Variants in MGAM2 observed in about 807,000 individuals in gnomAD.
The protein encoded by MGAM2 is maltase-glucoamylase 2 (putative), also known as probable maltase-glucoamylase 2.
In MGAM2, 98 loss-of-function variants were observed where a neutral mutation model predicts 96.1. The ratio of observed to expected loss-of-function variants is 1.02; its 90% CI spans 0.87 to 1.21. The LOEUF is 1.21. Ranked by LOEUF, MGAM2 falls within the 50% of genes most tolerant of loss-of-function variation. The pLI, the probability that MGAM2 is intolerant of heterozygous loss-of-function variation, is 0.00. For synonymous variants in MGAM2, 749 were observed against 414.8 expected (o/e 1.81, Z -9.79); for missense variants, 2,055 against 1,182.4 (o/e 1.74, Z -10.82).
intron 2 of MGAM2, among the ~76,000 whole-genome samples, chr7:142,119,679 A>T (rs1256109079): frequency 2.6e-5 from 4 of 152,246 alleles, no homozygotes; most frequent in South Asian, 4.1e-4. Flanking sequence ...ATAGATAAAC[A>T]AAATGTGGTA....
chr7:142,141,009 T>C lies in MGAM2; in HGVS notation c.1219-12T>C. 2.9e-6 allele frequency: 2 copies of C among 694,386 alleles called. No homozygotes were observed. Among genetic ancestry groups the C allele is most frequent in the South Asian group, 1.5e-5 (1 of 64,632 alleles). 43.0% of individuals were successfully genotyped at this position (694,386 alleles called of 1,614,324 possible). Reference sequence around the variant, plus strand: ...TTATGAAAATAATATTTATATCGTATTTCTTTATTAGAATCCTGGCATCTC... The same window carrying C: ...TTATGAAAATAATATTTATATCGTACTTCTTTATTAGAATCCTGGCATCTC... On this transcript the variant is annotated splice_polypyrimidine_tract_variant and intron_variant, in intron 11 of 47. Coordinates refer to ENST00000477922, the MANE Select transcript of MGAM2 (RefSeq NM_001293626.2).
intron 5 of MGAM2, 62 bp from the exon 6 acceptor site, chr7:142,131,869 T>C (rs1794899020): frequency 3.1e-6 from 2 of 646,410 alleles, no homozygotes; most frequent in Non-Finnish European, 2.8e-6. Context: ...ACATCTTTTG[T>C]AGCTCTGTCT....
chr7:142,167,359 C>T lies in MGAM2; in HGVS notation c.2900C>T (p.Thr967Ile). The T allele has an allele frequency of 1.4e-6, 1 of 702,878 alleles. No individual in the cohort carries two copies. The highest frequency in any genetic ancestry group is 2.6e-6 in the Non-Finnish European group (1 of 384,940). 43.5% of individuals were successfully genotyped at this position (702,878 alleles called of 1,614,324 possible). A position where few individuals can be genotyped will look rare whatever the true frequency, so the allele number is the denominator to read the frequency against. ...SDIQYLNTSI[T>I]ADLSLPMAPE... is the part of the protein sequence containing the mutation. Reference sequence around the variant, plus strand: ...ATTCAGTACCTGAACACCAGCATCACTGCAGACCTTTCCCTCCCGATGGCC... The same window carrying T: ...ATTCAGTACCTGAACACCAGCATCATTGCAGACCTTTCCCTCCCGATGGCC... The change falls in exon 26 of 48, where the codon ACT becomes ATT. Residue 967 changes from threonine (T) to isoleucine (I), a missense_variant. Transcript: ENST00000477922.
intron 1 of MGAM2, among the ~76,000 whole-genome samples, chr7:142,116,326 A>G (rs148597283): frequency 2.0e-3 from 301 of 152,314 alleles, no homozygotes; most frequent in African/African-American, 6.8e-3. Flanking sequence ...CCTCCCAGCA[A>G]GACTTATGCT....
intron 45 of MGAM2, among the ~76,000 whole-genome samples, chr7:142,203,401 C>A (rs2129102597): frequency 6.6e-6 from 1 of 152,180 alleles, no homozygotes; most frequent in South Asian, 2.1e-4. Flanking sequence ...AAAAACATTC[C>A]ATGCTCATGG....
At chr7:142,208,451 G>A (rs1442155451) in intron 45 of MGAM2, 122 bp from the exon 46 acceptor site, 1 of 664,198 alleles carries the variant, frequency 1.5e-6, no homozygotes, top group South Asian at 1.7e-5. Flanking sequence ...GCTCCTCAGA[G>A]AGGTGACAAT....
chr7:142,123,068 C>A (rs560101938), intron 3 of MGAM2, among the ~76,000 whole-genome samples: 1 of 152,206 alleles, frequency 6.6e-6, no homozygotes, highest in South Asian at 2.1e-4. Flanking sequence ...GTAATCCACC[C>A]CCTTCAGCCT....
chr7:142,193,541 C>T (rs911158102), intron 37 of MGAM2, among the ~76,000 whole-genome samples: 2 of 152,156 alleles, frequency 1.3e-5, no homozygotes, highest in East Asian at 3.9e-4. Context: ...TCCCTGCTGA[C>T]CTTCATGCTA....
intron 40 of MGAM2, among the ~76,000 whole-genome samples, chr7:142,197,019 T>A (rs1797063957): frequency 6.6e-6 from 1 of 152,222 alleles, no homozygotes; most frequent in Admixed American, 6.5e-5. Context: ...CCTGGAGAAT[T>A]ACTACCCATG....
chr7:142,173,329 C>G lies in MGAM2; in HGVS notation c.3662C>G (p.Ala1221Gly), dbSNP rs200991835. 1.4e-6 allele frequency: 1 copy of G among 702,686 alleles called. No individual in the cohort carries two copies. Among genetic ancestry groups the G allele is most frequent in the Non-Finnish European group, 2.6e-6 (1 of 384,704 alleles). The allele number at this position is 702,686 out of a possible 1,614,324, so 43.5% of individuals were successfully genotyped here. A position where few individuals can be genotyped will look rare whatever the true frequency, so the allele number is the denominator to read the frequency against. The change falls in exon 31 of 48, where the codon GCA (alanine) becomes GGA (glycine). Residue 1221 changes from alanine (A) to glycine (G), a missense_variant. Ala to Gly is a moderately conservative substitution (Grantham distance 60). Coordinates refer to ENST00000477922, the MANE Select transcript of MGAM2 (RefSeq NM_001293626.2). ...GCTGAAATCTCCAGTTTGTATGATGCAATGGTGGCAGCCCAGATTCCCTAT... is the reference window on the plus strand; with the variant it reads ...GCTGAAATCTCCAGTTTGTATGATGGAATGGTGGCAGCCCAGATTCCCTAT... The part of the protein sequence containing the change: ...NDAEISSLYD[A>G]MVAAQIPYDV...
intron 38 of MGAM2, 126 bp downstream of exon 38, chr7:142,196,413 C>A (rs1797037715): frequency 1.5e-6 from 1 of 650,834 alleles, no homozygotes; most frequent in Non-Finnish European, 2.8e-6. Context: ...GAACTGAGTT[C>A]TCTCTGGGCG....
chr7:142,127,722 G>A (rs112309564), intron 3 of MGAM2, among the ~76,000 whole-genome samples: 3,223 of 152,208 alleles, frequency 0.021, 117 homozygotes, highest in African/African-American at 0.073. Context: ...CTTGCCTGCC[G>A]CCATGTAAGA....
chr7:142,139,869 C>A (rs1412893291), intron 10 of MGAM2, among the ~76,000 whole-genome samples: 2 of 151,766 alleles, frequency 1.3e-5, no homozygotes, highest in African/African-American at 2.4e-5. Context: ...TTTAATTTTA[C>A]TTCTCCCATA....
chr7:142,175,685 C>G lies in MGAM2; in HGVS notation c.3721C>G (p.Arg1241Gly), dbSNP rs780898958. The G allele has an allele frequency of 4.3e-6, 3 of 702,702 alleles. No homozygotes were observed. In the African/African-American group the frequency reaches 5.2e-5, roughly 12 times the overall value. 43.5% of individuals were successfully genotyped at this position (702,702 alleles called of 1,614,324 possible). A position where few individuals can be genotyped will look rare whatever the true frequency, so the allele number is the denominator to read the frequency against. Residue 1241 changes from arginine to glycine, a missense_variant, in exon 32 of 48, where the codon CGG (arginine) becomes GGG (glycine). By Grantham distance (125) the Arg-to-Gly change is moderately radical. Transcript: ENST00000477922. ...GCATGTAGACATCGATTACATGAACCGGAAGCTGGATTTCACCCTCAGTGC... is the reference window on the plus strand; with the variant it reads ...GCATGTAGACATCGATTACATGAACGGGAAGCTGGATTTCACCCTCAGTGC... Reference protein sequence around the residue: ...VQHVDIDYMNRKLDFTLSANF... With the variant: ...VQHVDIDYMNGKLDFTLSANF...
chr7:142,117,972 T>C (rs1817474352), intron 2 of MGAM2, among the ~76,000 whole-genome samples: 1 of 151,976 alleles, frequency 6.6e-6, no homozygotes, highest in South Asian at 2.1e-4. Flanking sequence ...TGTATTTCCA[T>C]GGGTTGAAAG....
At chr7:142,179,105 G>A (rs768487700) in intron 32 of MGAM2, among the ~76,000 whole-genome samples, 2 of 152,044 alleles carry the variant, frequency 1.3e-5, no homozygotes, top group Non-Finnish European at 2.9e-5. Context: ...AAGTTGGATC[G>A]TTAATTTGAG....
chr7:142,192,764 C>T (rs1033764334), intron 37 of MGAM2, among the ~76,000 whole-genome samples: 1 of 152,162 alleles, frequency 6.6e-6, no homozygotes, highest in Non-Finnish European at 1.5e-5. Context: ...GAGAAGCTTG[C>T]TCCACAAATT....
rs1009237181 is a variant in MGAM2, at chr7:142,185,131, C to T, written c.3979C>T (p.Gln1327Ter). ...AGATGGATCCCTTGACCATGAAACT[C>T]AGGTTAAGGTACAGTTGTATATAGA... is the stretch of plus-strand genomic sequence containing the variant. The part of the protein sequence containing the change: ...IVDGSLDHET[Q>*]VKLYRAYVAF... The change falls in exon 34 of 48, where the codon CAG becomes TAG. Residue 1327 changes from glutamine (Q) to a stop codon, truncating the protein, a stop_gained. Transcript: ENST00000477922. LOFTEE classifies it high-confidence loss of function. 5 of 702,802 alleles carry T rather than the reference C, an allele frequency of 7.1e-6. No homozygotes were observed. Among genetic ancestry groups the T allele is most frequent in the African/African-American group, 7.0e-5 (4 of 57,242 alleles). The allele number at this position is 702,802 out of a possible 1,614,324, so 43.5% of individuals were successfully genotyped here. A position where few individuals can be genotyped will look rare whatever the true frequency, so the allele number is the denominator to read the frequency against.
In MGAM2 at chr7:142,222,041, T is replaced by C. The variant is rs1797947271; in HGVS notation, c.7530T>C (p.Asn2510=). 4 of 398,344 alleles carry C rather than the reference T, an allele frequency of 1.0e-5. No individual in the cohort carries two copies. Among genetic ancestry groups the C allele is most frequent in the Non-Finnish European group, 1.8e-5 (4 of 225,842 alleles). 24.7% of individuals were successfully genotyped at this position (398,344 alleles called of 1,614,324 possible). The part of the protein sequence containing the change: ...TAPTYIANAI[N]ATQVP ...CTACTTATATTGCAAATGCCATAAA[T>C]GCTACTCAAGTTCCATGATTACTAC... is the stretch of plus-strand genomic sequence containing the variant. Residue 2510 remains asparagine (N), a synonymous_variant, in exon 48 of 48, where the codon AAT becomes AAC. Transcript: ENST00000477922.
Sources: allele counts gnomAD v4.1 joint callset (sites outside exome capture counted in the v4.1 genomes callset), GRCh38; gene constraint gnomAD v4.1.1; transcripts MANE v1.5; gene names NCBI Gene and HGNC (gene_info 2026-07-23, HGNC 2026-07-21).